Variants in FAM163A observed in about 807,000 individuals in gnomAD.
FAM163A encodes the protein protein FAM163A.
FAM163A carries 7 observed loss-of-function variants against 12.0 expected under a neutral mutation model. That is an observed-to-expected ratio of 0.58 (90% CI 0.33 to 1.10). The LOEUF is 1.10. Ranked by LOEUF, FAM163A falls within the 50% of genes least tolerant of loss-of-function variation. The probability of loss-of-function intolerance (pLI) is 0.03; values close to 1 mark genes in which losing one functional copy is unlikely to be tolerated. For synonymous variants in FAM163A, 101 were observed against 91.0 expected, an observed-to-expected ratio of 1.11 and a Z score of -0.62; for missense variants, 202 against 218.6, an observed-to-expected ratio of 0.92 and a Z score of 0.48.
At chr1:179,796,587 A>C (rs1692351770) in intron 1 of FAM163A, among the ~76,000 whole-genome samples, 1 of 152,006 alleles carries the variant, frequency 6.6e-6, no homozygotes, top group Non-Finnish European at 1.5e-5. Context: ...TGCTTCTCAC[A>C]CGCCTGTCAT....
intron 1 of FAM163A, among the ~76,000 whole-genome samples, chr1:179,800,569 A>G (rs1220796794): frequency 6.6e-6 from 1 of 152,226 alleles, no homozygotes; most frequent in Admixed American, 6.5e-5. Flanking sequence ...CCACAGGTGG[A>G]CTGGACACTG....
intron 1 of FAM163A, among the ~76,000 whole-genome samples, chr1:179,746,021 T>C (rs371052356): frequency 6.6e-6 from 1 of 152,332 alleles, no homozygotes; most frequent in Admixed American, 6.5e-5. Context: ...AGCACTTCCT[T>C]CTCTCTGTCA....
chr1:179,786,731 G>C (rs896843588), intron 1 of FAM163A, among the ~76,000 whole-genome samples: 1 of 152,226 alleles, frequency 6.6e-6, no homozygotes, highest in African/African-American at 2.4e-5. Context: ...AGGAAAACCA[G>C]GATTTAAATT....
chr1:179,731,234 T>C, the FAM163A span, among the ~76,000 whole-genome samples: 1 of 152,112 alleles, frequency 6.6e-6, no homozygotes, highest in Admixed American at 6.5e-5. Context: ...TTAAAACAAA[T>C]TGAGACAGGA....
chr1:179,757,946 G>A (rs924645142), intron 1 of FAM163A, among the ~76,000 whole-genome samples: 2 of 152,242 alleles, frequency 1.3e-5, no homozygotes, highest in African/African-American at 4.8e-5. Context: ...TTTGAGCCTA[G>A]ACAACTGAAC....
the FAM163A span, among the ~76,000 whole-genome samples, chr1:179,733,588 C>G: frequency 6.6e-6 from 1 of 152,102 alleles, no homozygotes; most frequent in South Asian, 2.1e-4. Flanking sequence ...AATTCCAAGG[C>G]CTTGTGAGAC....
chr1:179,737,068 T>C, the FAM163A span, among the ~76,000 whole-genome samples: 1 of 152,200 alleles, frequency 6.6e-6, no homozygotes, highest in African/African-American at 2.4e-5. Context: ...CCCATGTTCA[T>C]TGCAGCATTA....
intron 2 of FAM163A, among the ~76,000 whole-genome samples, chr1:179,808,456 C>T (rs1290746672): frequency 6.6e-6 from 1 of 152,206 alleles, no homozygotes; most frequent in Admixed American, 6.5e-5. Context: ...GAGAAGGATC[C>T]ACTTCATCTC....
intron 1 of FAM163A, among the ~76,000 whole-genome samples, chr1:179,792,282 A>ATTTTTT (rs1491044739): frequency 2.8e-5 from 2 of 71,854 alleles, no homozygotes; most frequent in African/African-American, 9.5e-5. Context: ...ACCATATCTG[A>ATTTTTT]TTGTGTGTGT....
At chr1:179,759,261 A>G (rs1013626189) in intron 1 of FAM163A, among the ~76,000 whole-genome samples, 7 of 152,152 alleles carry the variant, frequency 4.6e-5, no homozygotes, top group Non-Finnish European at 1.0e-4. Flanking sequence ...GACATTGCCA[A>G]TTGTGCCCTT....
At chr1:179,739,492 C>A (rs1194358370), upstream of FAM163A, among the ~76,000 whole-genome samples, 1 of 151,796 alleles carries the variant, frequency 6.6e-6, no homozygotes, top group Non-Finnish European at 1.5e-5. Context: ...CGGCCCAACA[C>A]AAATTTTTAA....
chr1:179,763,105 G>A (rs915873188), intron 1 of FAM163A, among the ~76,000 whole-genome samples: 1 of 152,186 alleles, frequency 6.6e-6, no homozygotes, highest in East Asian at 1.9e-4. Flanking sequence ...AGAAGGGTGT[G>A]GGGGAGGCCA....
chr1:179,813,339 T>C (rs1474416042), intron 4 of FAM163A, 149 bp downstream of exon 4: 1 of 801,856 alleles, frequency 1.2e-6, no homozygotes, highest in African/African-American at 1.7e-5. Flanking sequence ...GGATGGGAGT[T>C]GGGGCTGGTC....
intron 3 of FAM163A, 79 bp from the exon 4 acceptor site, chr1:179,812,997 C>A: frequency 7.4e-7 from 1 of 1,343,600 alleles, no homozygotes; most frequent in Non-Finnish European, 1.0e-6. Context: ...AGCCTCGGGG[C>A]AGTTCCAGGA....
chr1:179,765,681 T>A (rs1003914885), intron 1 of FAM163A, among the ~76,000 whole-genome samples: 43 of 120,074 alleles, frequency 3.6e-4, no homozygotes, highest in African/African-American at 1.3e-3. Flanking sequence ...TTGGGAATTT[T>A]TTTTTTTTTT....
At chr1:179,762,174 G>A (rs922895107) in intron 1 of FAM163A, among the ~76,000 whole-genome samples, 1 of 152,204 alleles carries the variant, frequency 6.6e-6, no homozygotes, top group African/African-American at 2.4e-5. Flanking sequence ...TCATATAATC[G>A]TATCAAGGCA....
chr1:179,806,790 T>C (rs570949387), intron 1 of FAM163A, among the ~76,000 whole-genome samples: 1 of 152,170 alleles, frequency 6.6e-6, no homozygotes, highest in Non-Finnish European at 1.5e-5. Flanking sequence ...CCGAATAATG[T>C]TGAGTGGTTA....
At chr1:179,766,406 G>A (rs1299991629) in intron 1 of FAM163A, among the ~76,000 whole-genome samples, 1 of 152,182 alleles carries the variant, frequency 6.6e-6, no homozygotes, top group African/African-American at 2.4e-5. Context: ...AGACCCACAG[G>A]CCTGGCTGGG....
the FAM163A span, among the ~76,000 whole-genome samples, chr1:179,728,288 G>A: frequency 1.3e-5 from 2 of 152,180 alleles, no homozygotes; most frequent in Admixed American, 6.5e-5. Context: ...GTCATCCACA[G>A]TTGTGAATGA....
Sources: allele counts gnomAD v4.1 joint callset (sites outside exome capture counted in the v4.1 genomes callset), GRCh38; gene constraint gnomAD v4.1.1; transcripts MANE v1.5; gene names NCBI Gene and HGNC (gene_info 2026-07-23, HGNC 2026-07-21).